The following CUX1 variants were observed in gnomAD, a reference collection of about 807,000 sequenced individuals.
CUX1 encodes cut like homeobox 1.
A neutral mutation model predicts 158.8 loss-of-function variants in CUX1; 31 were observed. The observed-to-expected ratio is 0.20, with a 90% CI of 0.15 to 0.26. The LOEUF is 0.26. CUX1 is among the 10% of genes least tolerant of loss of function. The pLI is 1.00. For synonymous variants in CUX1, 879 were observed against 862.1 expected (o/e 1.02, Z -0.34); for missense variants, 1,589 against 2,014.6 (o/e 0.79, Z 4.04).
chr7:102,189,002 G>C (rs1195609980), intron 11 of CUX1, among the ~76,000 whole-genome samples: 1 of 152,188 alleles, frequency 6.6e-6, no homozygotes, highest in African/African-American at 2.4e-5. Context: ...GCAGGACTCA[G>C]ACCAGCTGGC....
intron 2 of CUX1, among the ~76,000 whole-genome samples, chr7:101,969,383 A>AG (rs1811656962): frequency 7.8e-6 from 1 of 128,792 alleles, no homozygotes; most frequent in African/African-American, 2.9e-5. Context: ...AAAAAAAAAA[A>AG]GCAGGCACCC....
At chr7:102,168,285 A>T (rs916668846) in intron 9 of CUX1, among the ~76,000 whole-genome samples, 1 of 152,112 alleles carries the variant, frequency 6.6e-6, no homozygotes, top group African/African-American at 2.4e-5. Context: ...ATGTAATTCC[A>T]AGAGCTCCTG....
intron 1 of CUX1, among the ~76,000 whole-genome samples, chr7:101,879,903 C>G (rs558103539): frequency 6.6e-6 from 1 of 152,174 alleles, no homozygotes; most frequent in African/African-American, 2.4e-5. Context: ...ACACTCAGAC[C>G]CTTCTACCAC....
At chr7:102,123,007 G>C (rs1696336182) in intron 8 of CUX1, among the ~76,000 whole-genome samples, 1 of 152,054 alleles carries the variant, frequency 6.6e-6, no homozygotes, top group African/African-American at 2.4e-5. Flanking sequence ...GAGATGGGTG[G>C]ATCACCTGAG....
intron 14 of CUX1, among the ~76,000 whole-genome samples, chr7:102,196,019 T>A (rs1395491356): frequency 2.6e-5 from 4 of 152,196 alleles, no homozygotes; most frequent in African/African-American, 9.6e-5. Flanking sequence ...TTTTTCTTCC[T>A]TGGTCAGGTT....
downstream of CUX1, among the ~76,000 whole-genome samples, chr7:102,261,136 C>G (rs1346935443): frequency 6.6e-6 from 1 of 152,172 alleles, no homozygotes; most frequent in African/African-American, 2.4e-5. Flanking sequence ...CTGGGCCCAG[C>G]CTTAGGCAGG....
chr7:101,901,316 C>A (rs772988265), intron 1 of CUX1, among the ~76,000 whole-genome samples: 1 of 151,982 alleles, frequency 6.6e-6, no homozygotes, highest in Non-Finnish European at 1.5e-5. Flanking sequence ...GTTTTTGAGA[C>A]GGAGTCTTGC....
chr7:102,231,714 C>CT (rs1262074153), intron 21 of CUX1, among the ~76,000 whole-genome samples: 1,612 of 138,814 alleles, frequency 0.012, 12 homozygotes, highest in African/African-American at 0.021. Context: ...AAAATTTTCT[C>CT]TTTTTTTTTT....
rs916830572 is a variant in CUX1 at position 101,962,311 on chromosome 7, G to A, written c.141+46086G>A. On this transcript the variant is annotated intron_variant, in intron 2 of 23. Transcript: ENST00000292535. The stretch of plus-strand genomic sequence containing the variant: ...ATCACAGAGCTAACTGCACAGAAAC[G>A]GTGTGAATGAAACCAAGTTGGCCCT... 3.3e-4 allele frequency among the ~76,000 whole-genome samples: 50 copies of A among 152,182 alleles called. 1 individual carries two copies. The highest frequency in any genetic ancestry group is 1.0e-4 in the Non-Finnish European group (7 of 68,040).
intron 20 of CUX1, among the ~76,000 whole-genome samples, chr7:102,226,388 C>T (rs1048218339): frequency 2.0e-5 from 3 of 152,174 alleles, no homozygotes; most frequent in Non-Finnish European, 4.4e-5. Context: ...TGCCTCTCTC[C>T]ATCTTCCCCT....
intron 2 of CUX1, among the ~76,000 whole-genome samples, chr7:101,948,789 C>T (rs1808696051): frequency 6.6e-6 from 1 of 152,204 alleles, no homozygotes; most frequent in Admixed American, 6.5e-5. Flanking sequence ...GAGGAATCAC[C>T]TGCCTGAGTC....
At chr7:101,818,153 G>C (rs1792085923) in intron 1 of CUX1, among the ~76,000 whole-genome samples, 1 of 152,164 alleles carries the variant, frequency 6.6e-6, no homozygotes, top group African/African-American at 2.4e-5. Flanking sequence ...AGGAGTTTAA[G>C]TATTTATTGA....
At chr7:101,978,176 C>T (rs1326640014) in intron 2 of CUX1, among the ~76,000 whole-genome samples, 4 of 152,110 alleles carry the variant, frequency 2.6e-5, no homozygotes, top group Non-Finnish European at 5.9e-5. Flanking sequence ...AGAAGGATGG[C>T]GTCTATATTT....
chr7:102,274,949 G>T (rs1791504115), intron 16 of CUX1, among the ~76,000 whole-genome samples: 2 of 152,334 alleles, frequency 1.3e-5, no homozygotes, highest in South Asian at 4.1e-4. Flanking sequence ...CAAGGACAGA[G>T]TGACTGGGAG....
chr7:102,035,035 A>C (rs901031573), intron 3 of CUX1, among the ~76,000 whole-genome samples: 1 of 150,748 alleles, frequency 6.6e-6, no homozygotes, highest in East Asian at 2.0e-4. Context: ...AAAGGTATTT[A>C]TCAGAAACAT....
At chr7:102,028,481 C>A (rs1820320621) in intron 3 of CUX1, among the ~76,000 whole-genome samples, 1 of 152,192 alleles carries the variant, frequency 6.6e-6, no homozygotes, top group Non-Finnish European at 1.5e-5. Flanking sequence ...GCCTTGTCCC[C>A]CTGAGCTGGT....
At chr7:102,165,888 G>A (rs1257206998) in intron 9 of CUX1, among the ~76,000 whole-genome samples, 2 of 152,158 alleles carry the variant, frequency 1.3e-5, no homozygotes, top group Non-Finnish European at 2.9e-5. Context: ...TGGGTCTCAC[G>A]GTGGAAACCA....
At chr7:102,142,740 A>G (rs1299322909) in intron 8 of CUX1, among the ~76,000 whole-genome samples, 1 of 151,890 alleles carries the variant, frequency 6.6e-6, no homozygotes, top group African/African-American at 2.4e-5. Context: ...TGGCCAACAT[A>G]GTGAGACCTT....
rs117545072 is a variant in CUX1 at position 101,991,990 on chromosome 7, G to A, written c.142-36108G>A. On this transcript the variant is annotated intron_variant, in intron 2 of 23. Coordinates refer to ENST00000292535, the MANE Select transcript of CUX1 (RefSeq NM_181552.4). ...GAGCATCTCTTGAGCCCAGGAGTCC[G>A]AGACCAACTTGGGCAACATAGTGAG... Among the ~76,000 whole-genome samples, 72 of 152,312 alleles carry A rather than the reference G, an allele frequency of 4.7e-4. No individual in the cohort carries two copies. The East Asian group carries it at 9.1e-3, about 19-fold the overall frequency.
Sources: gnomAD v4.1 joint callset for allele counts (sites outside exome capture counted in the v4.1 genomes callset) on GRCh38, gnomAD v4.1.1 for gene constraint, MANE v1.5 for transcripts, NCBI Gene and HGNC (gene_info 2026-07-23, HGNC 2026-07-21) for gene names.